Variants in RBKS observed in about 807,000 individuals in gnomAD.
RBKS encodes ribokinase.
A neutral mutation model predicts 33.9 loss-of-function variants in RBKS; 33 were observed. That is an observed-to-expected ratio of 0.97 (90% CI 0.74 to 1.30). The LOEUF (loss-of-function observed/expected upper bound fraction) is 1.30, where lower values mean the gene tolerates loss of function less well. RBKS is among the 50% of genes most tolerant of loss of function. The pLI is 0.00. For synonymous variants in RBKS, 125 were observed against 143.0 expected (o/e 0.87, Z 0.90); for missense variants, 361 against 392.6 (o/e 0.92, Z 0.68).
At chr2:27,882,884 C>G (rs1319490367) in intron 1 of RBKS, among the ~76,000 whole-genome samples, 1 of 152,010 alleles carries the variant, frequency 6.6e-6, no homozygotes, top group Admixed American at 6.5e-5. Context: ...GATGAGAACA[C>G]CTGGACACAC....
chr2:27,856,753 G>A (rs1286219351), intron 2 of RBKS, among the ~76,000 whole-genome samples: 1 of 152,092 alleles, frequency 6.6e-6, no homozygotes, highest in African/African-American at 2.4e-5. Context: ...CTATGTCCAA[G>A]TTTTCCTACA....
chr2:27,856,060 A>C (rs1191452558), intron 2 of RBKS, among the ~76,000 whole-genome samples: 1 of 152,248 alleles, frequency 6.6e-6, no homozygotes, highest in African/African-American at 2.4e-5. Context: ...ACAATGGATA[A>C]AATATGATTA....
At chr2:27,844,398 A>T (rs935281832) in intron 4 of RBKS, among the ~76,000 whole-genome samples, 1 of 152,158 alleles carries the variant, frequency 6.6e-6, no homozygotes, top group Admixed American at 6.5e-5. Flanking sequence ...AAATTAAAAA[A>T]AAATTAAGAT....
Position 27,890,061 on chromosome 2 carries a change from C to A in RBKS, c.89+196G>T. 1.8e-6 allele frequency: 1 copy of A among 555,194 alleles called. No individual in the cohort carries two copies. Among genetic ancestry groups the A allele is most frequent in the Non-Finnish European group, 3.2e-6 (1 of 311,202 alleles). 34.4% of individuals were successfully genotyped at this position (555,194 alleles called of 1,614,324 possible). ...ACCCTGGCCTATTACGTCCCCTCCCCTGAGATTTACCTTTATATACTCAAG... is the reference window on the plus strand; with the variant it reads ...ACCCTGGCCTATTACGTCCCCTCCCATGAGATTTACCTTTATATACTCAAG... On this transcript the variant is annotated intron_variant, in intron 1 of 7. Coordinates refer to ENST00000302188, the MANE Select transcript of RBKS (RefSeq NM_022128.3). The surrounding 1 kb of genome is among the most constrained non-coding windows in gnomAD (Gnocchi z 4.8).
chr2:27,882,493 T>C (rs986300085), intron 1 of RBKS, among the ~76,000 whole-genome samples: 3 of 152,180 alleles, frequency 2.0e-5, no homozygotes, highest in African/African-American at 7.2e-5. Flanking sequence ...TGTAAATTAG[T>C]TCAACCATTG....
chr2:27,813,598 G>A (rs1447160612), intron 7 of RBKS, among the ~76,000 whole-genome samples: 1 of 151,776 alleles, frequency 6.6e-6, no homozygotes, highest in African/African-American at 2.4e-5. Flanking sequence ...TAGAAATTAT[G>A]AAAGAGACAA....
chr2:27,833,536 A>C (rs560327595), intron 5 of RBKS, among the ~76,000 whole-genome samples: 1 of 152,264 alleles, frequency 6.6e-6, no homozygotes, highest in African/African-American at 2.4e-5. Context: ...GAGGGAGGAA[A>C]GTGAAGCTCA....
intron 1 of RBKS, among the ~76,000 whole-genome samples, chr2:27,876,671 T>C (rs1033831314): frequency 6.6e-6 from 1 of 151,974 alleles, no homozygotes; most frequent in African/African-American, 2.4e-5. Flanking sequence ...GAGGAGGGGA[T>C]AGGGAGTTAT....
intron 1 of RBKS, among the ~76,000 whole-genome samples, chr2:27,874,373 T>C (rs1463109100): frequency 6.6e-6 from 1 of 152,228 alleles, no homozygotes; most frequent in Non-Finnish European, 1.5e-5. Context: ...GCTTACAGCT[T>C]AGTTTTAACA....
Position 27,810,325 on chromosome 2 carries a change from C to G in RBKS, c.795+17242G>C, listed in dbSNP as rs1468746947. Among the ~76,000 whole-genome samples the G allele has an allele frequency of 6.6e-6, 1 of 152,102 alleles. No individual in the cohort carries two copies. Among genetic ancestry groups the G allele is most frequent in the East Asian group, 1.9e-4 (1 of 5,198 alleles). ...CTAGCATTATGTTGCAAAAGAGTTACCTTCAAATGTCAGTTACTTTAAATG... is the reference window on the plus strand; with the variant it reads ...CTAGCATTATGTTGCAAAAGAGTTAGCTTCAAATGTCAGTTACTTTAAATG... On this transcript the variant is annotated intron_variant, in intron 7 of 7. Coordinates refer to ENST00000302188, the MANE Select transcript of RBKS (RefSeq NM_022128.3). This position sits in a 1 kb window ranked among gnomAD's most constrained non-coding sequence, Gnocchi z 4.4.
chr2:27,861,671 G>GGGC, intron 1 of RBKS: 1 of 425,490 alleles, frequency 2.4e-6, no homozygotes, highest in Admixed American at 2.6e-5. Flanking sequence ...TTTGGGGGGG[G>GGGC]GGTGGAGTCT....
intron 7 of RBKS, among the ~76,000 whole-genome samples, chr2:27,816,182 C>T (rs1001346025): frequency 3.9e-5 from 6 of 152,138 alleles, no homozygotes; most frequent in African/African-American, 1.4e-4. Flanking sequence ...TTCTAGAGCC[C>T]TGGGTATTCA....
chr2:27,799,933 C>T (rs1008365906), intron 7 of RBKS, among the ~76,000 whole-genome samples: 1 of 152,100 alleles, frequency 6.6e-6, no homozygotes, highest in African/African-American at 2.4e-5. Flanking sequence ...CTGACTGGGC[C>T]TGGGAACGTA....
At chr2:27,788,337 A>ATCCTAAG (rs1417820433) in intron 7 of RBKS, among the ~76,000 whole-genome samples, 1 of 152,228 alleles carries the variant, frequency 6.6e-6, no homozygotes, top group Non-Finnish European at 1.5e-5. Flanking sequence ...TACGTAGAAA[A>ATCCTAAG]TCCTAAGAAG....
intron 1 of RBKS, among the ~76,000 whole-genome samples, chr2:27,884,437 G>A (rs1426546018): frequency 7.9e-5 from 12 of 152,044 alleles, no homozygotes; most frequent in South Asian, 2.1e-4. Context: ...TGCGGAGACC[G>A]GGTTTTGCCA....
chr2:27,845,057 C>G (rs1663597076), intron 4 of RBKS, among the ~76,000 whole-genome samples: 1 of 152,192 alleles, frequency 6.6e-6, no homozygotes, highest in Non-Finnish European at 1.5e-5. Context: ...TAACCTCAGT[C>G]CTAGAAAAAT....
intron 7 of RBKS, among the ~76,000 whole-genome samples, chr2:27,791,897 T>G (rs752168460): frequency 6.6e-6 from 1 of 152,068 alleles, no homozygotes; most frequent in African/African-American, 2.4e-5. Flanking sequence ...TAGTGGTGAT[T>G]AAATGACTGT....
At chr2:27,886,383 T>C (rs1035675249) in intron 1 of RBKS, among the ~76,000 whole-genome samples, 2 of 152,232 alleles carry the variant, frequency 1.3e-5, no homozygotes, top group African/African-American at 4.8e-5. Context: ...TCCAGGCTAG[T>C]TACAGTTAAA....
chr2:27,877,419 A>G (rs958348729), intron 1 of RBKS, among the ~76,000 whole-genome samples: 3 of 152,032 alleles, frequency 2.0e-5, no homozygotes, highest in Non-Finnish European at 4.4e-5. Context: ...TTTGAGCTAA[A>G]TTTGTCATTA....
Sources: gnomAD v4.1 joint callset for allele counts (sites outside exome capture counted in the v4.1 genomes callset) on GRCh38, gnomAD v4.1.1 for gene constraint, Gnocchi (gnomAD v3.1) non-coding constraint, MANE v1.5 for transcripts, NCBI Gene and HGNC (gene_info 2026-07-23, HGNC 2026-07-21) for gene names.